The following FRAS1 variants were observed in gnomAD, a reference collection of about 807,000 sequenced individuals.
FRAS1 encodes extracellular matrix organizing protein FRAS1.
In FRAS1, 290 loss-of-function variants were observed where a neutral mutation model predicts 435.2. The observed-to-expected ratio is 0.67, with a 90% CI of 0.61 to 0.73. The LOEUF is 0.73. Ranked by LOEUF, FRAS1 falls within the 30% of genes least tolerant of loss-of-function variation. The pLI, the probability that FRAS1 is intolerant of heterozygous loss-of-function variation, is 0.00. For synonymous variants in FRAS1, 1,800 were observed against 1,851.0 expected, an observed-to-expected ratio of 0.97 and a Z score of 0.71; for missense variants, 4,860 against 5,001.5, an observed-to-expected ratio of 0.97 and a Z score of 0.85.
At chr4:78,272,598 G>A (rs1290982830) in intron 9 of FRAS1, among the ~76,000 whole-genome samples, 1 of 152,080 alleles carries the variant, frequency 6.6e-6, no homozygotes, top group South Asian at 2.1e-4. Flanking sequence ...TTTTTGTCAC[G>A]TTTGTCAAAT....
At chr4:78,417,072 AT>A (rs1433321480) in intron 32 of FRAS1, among the ~76,000 whole-genome samples, 1 of 152,240 alleles carries the variant, frequency 6.6e-6, no homozygotes, top group Non-Finnish European at 1.5e-5. Context: ...ATTGATAAAT[AT>A]TGAACATTCT....
chr4:78,527,318 A>ATTCG (rs1353602060), intron 70 of FRAS1, among the ~76,000 whole-genome samples: 1 of 41,584 alleles, frequency 2.4e-5, no homozygotes, highest in Non-Finnish European at 4.2e-5. Context: ...TGTGCTGTAT[A>ATTCG]TTCATTCATT....
intron 2 of FRAS1, among the ~76,000 whole-genome samples, chr4:78,112,226 C>A (rs186207427): frequency 6.6e-6 from 1 of 152,012 alleles, no homozygotes; most frequent in Admixed American, 6.6e-5. Context: ...CATTATTTTA[C>A]CATAAGGTAT....
chr4:78,462,623 G>A (rs1435607953), intron 47 of FRAS1, among the ~76,000 whole-genome samples: 2 of 152,100 alleles, frequency 1.3e-5, no homozygotes, highest in East Asian at 1.9e-4. Flanking sequence ...ATTCACAGCA[G>A]GGGGAAGAGA....
At chr4:78,533,954 G>A (rs955725799) in intron 70 of FRAS1, among the ~76,000 whole-genome samples, 6 of 152,182 alleles carry the variant, frequency 3.9e-5, no homozygotes, top group Admixed American at 2.0e-4. Flanking sequence ...TCTGCCAGAA[G>A]GAGACACGGA....
rs1213524249 is a variant in FRAS1, at chr4:78,379,780, G to T, written c.3347G>T (p.Gly1116Val). 1.9e-6 allele frequency: 3 copies of T among 1,613,568 alleles called. No individual in the cohort carries two copies. The highest frequency in any genetic ancestry group is 2.5e-6 in the Non-Finnish European group (3 of 1,179,792). ...AATGGTTCCCTGATCCTCCCAATTGGTTCAATAAAGCCACTGGATTTTTCC... is the reference window on the plus strand; with the variant it reads ...AATGGTTCCCTGATCCTCCCAATTGTTTCAATAAAGCCACTGGATTTTTCC... ...HVNGSLILPI[G>V]SIKPLDFSLL... is the part of the protein sequence containing the mutation. The change falls in exon 27 of 74, where the codon GGT (glycine) becomes GTT (valine). Residue 1116 changes from glycine (G) to valine (V), a missense_variant. Gly to Val is a moderately radical substitution (Grantham distance 109). Coordinates refer to ENST00000512123, the MANE Select transcript of FRAS1 (RefSeq NM_025074.7).
At chr4:78,080,610 A>G (rs1183390096) in intron 2 of FRAS1, among the ~76,000 whole-genome samples, 1 of 152,136 alleles carries the variant, frequency 6.6e-6, no homozygotes, top group Non-Finnish European at 1.5e-5. Context: ...AATATTTTCT[A>G]TGCTCAGTTC....
At chr4:78,334,381 T>C (rs1279131655) in intron 19 of FRAS1, among the ~76,000 whole-genome samples, 1 of 122,538 alleles carries the variant, frequency 8.2e-6, no homozygotes, top group African/African-American at 3.1e-5. Flanking sequence ...TTTTTTTTTT[T>C]TTTTTTTTGA....
chr4:78,328,158 C>G (rs1729791784), intron 18 of FRAS1, among the ~76,000 whole-genome samples: 1 of 152,182 alleles, frequency 6.6e-6, no homozygotes, highest in Non-Finnish European at 1.5e-5. Flanking sequence ...GTCTTCTTTA[C>G]TTTCCTGTTG....
intron 1 of FRAS1, 42 bp downstream of exon 1, chr4:78,058,127 C>G (rs1248475672): frequency 6.8e-7 from 1 of 1,463,814 alleles, no homozygotes; most frequent in African/African-American, 1.4e-5. Context: ...TGTGCGTGTG[C>G]GTGTGTGTGT....
chr4:78,105,333 G>A (rs565173389), intron 2 of FRAS1, among the ~76,000 whole-genome samples: 6 of 152,286 alleles, frequency 3.9e-5, no homozygotes, highest in African/African-American at 1.4e-4. Flanking sequence ...GGATGGAGTG[G>A]TTGACAGGCA....
chr4:78,423,712 T>C (rs1733889380), intron 34 of FRAS1, among the ~76,000 whole-genome samples: 1 of 152,184 alleles, frequency 6.6e-6, no homozygotes, highest in South Asian at 2.1e-4. Context: ...TAACGGTGGG[T>C]ATAGGCTTCC....
intron 20 of FRAS1, among the ~76,000 whole-genome samples, chr4:78,343,258 T>C (rs1730468586): frequency 6.6e-6 from 1 of 152,210 alleles, no homozygotes; most frequent in Non-Finnish European, 1.5e-5. Flanking sequence ...CCCCTTCCCT[T>C]TATTATAGCC....
chr4:78,363,488 C>T (rs949044761), intron 20 of FRAS1, 25 bp from the exon 21 acceptor site: 2 of 1,592,584 alleles, frequency 1.3e-6, no homozygotes, highest in African/African-American at 1.3e-5. Context: ...CCCGTGCCTT[C>T]TCTGTGCTCC....
chr4:78,478,687 C>G (rs1464332174), intron 55 of FRAS1, among the ~76,000 whole-genome samples: 1 of 152,176 alleles, frequency 6.6e-6, no homozygotes, highest in East Asian at 1.9e-4. Context: ...AACCCCCATT[C>G]AAAGGCACAA....
intron 2 of FRAS1, among the ~76,000 whole-genome samples, chr4:78,235,911 T>C (rs1724735252): frequency 6.6e-6 from 1 of 152,200 alleles, no homozygotes; most frequent in African/African-American, 2.4e-5. Context: ...ATCATGCCAC[T>C]GCACTTCAGC....
chr4:78,258,871 A>C (rs1291953533), intron 6 of FRAS1, among the ~76,000 whole-genome samples: 1,064 of 80,786 alleles, frequency 0.013, 23 homozygotes, highest in African/African-American at 0.049. Context: ...CCCACCCCAC[A>C]ACAGTCCCCA....
chr4:78,220,316 A>C (rs1723998562), intron 2 of FRAS1, among the ~76,000 whole-genome samples: 1 of 152,242 alleles, frequency 6.6e-6, no homozygotes, highest in Non-Finnish European at 1.5e-5. Context: ...TTAAAAAATC[A>C]TAAAAGTATT....
chr4:78,108,842 T>C lies in FRAS1; in HGVS notation c.108+42826T>C, dbSNP rs1167490838. Among the ~76,000 whole-genome samples, 3 of 128,002 alleles carry C rather than the reference T, an allele frequency of 2.3e-5. No individual in the cohort carries two copies. In the East Asian group the frequency reaches 6.1e-4, roughly 26 times the overall value. 84.0% of individuals were successfully genotyped at this position (128,002 alleles called of 152,430 possible). ...TTTTTGAAAGGATCAACAAAATTGA[T>C]AGACCGCTAGCAAGATGACAAAGAA... On this transcript the variant is annotated intron_variant, in intron 2 of 73. Coordinates refer to ENST00000512123, the MANE Select transcript of FRAS1 (RefSeq NM_025074.7).
Sources: allele counts gnomAD v4.1 joint callset (sites outside exome capture counted in the v4.1 genomes callset), GRCh38; gene constraint gnomAD v4.1.1; transcripts MANE v1.5; gene names NCBI Gene and HGNC (gene_info 2026-07-23, HGNC 2026-07-21).